The following MTMR3 variants were observed in gnomAD, a reference collection of about 807,000 sequenced individuals.
MTMR3 encodes the protein myotubularin related protein 3.
Under a neutral mutation model 132.4 loss-of-function variants are expected in MTMR3, and 32 were observed. That is an observed-to-expected ratio of 0.24 (90% CI 0.18 to 0.32). The LOEUF is 0.32. Among genes scored for constraint, MTMR3 ranks in the 10% least tolerant of loss-of-function variants. The pLI, the probability that MTMR3 is intolerant of heterozygous loss-of-function variation, is 1.00. For missense variants in MTMR3, 1,216 were observed against 1,489.6 expected (o/e 0.82, Z 3.02); for synonymous variants, 556 against 550.3 (o/e 1.01, Z -0.14).
At chr22:29,976,195 A>G (rs898358515) in intron 3 of MTMR3, among the ~76,000 whole-genome samples, 1 of 151,588 alleles carries the variant, frequency 6.6e-6, no homozygotes, top group Non-Finnish European at 1.5e-5. Flanking sequence ...CTAGGAAGCT[A>G]TAAAGTTCAT....
intron 3 of MTMR3, among the ~76,000 whole-genome samples, chr22:29,976,371 G>C (rs959563161): frequency 6.6e-6 from 1 of 151,658 alleles, no homozygotes; most frequent in Non-Finnish European, 1.5e-5. Flanking sequence ...TTTTCCATCA[G>C]TTGTTCTTCC....
chr22:29,990,072 A>C (rs1054900705), intron 6 of MTMR3: 3 of 152,054 alleles, frequency 2.0e-5, no homozygotes, highest in Non-Finnish European at 4.4e-5. Flanking sequence ...ATCTCTACTA[A>C]AAATACGAAA....
rs140644202 is a variant in MTMR3, at chr22:29,978,566, A to G, written c.93+35A>G. ...GGCCACTTTTAAATGTAAAATATTT[A>G]TTTAGCATTAACTGTATAGCAGAGT... On this transcript the variant is annotated intron_variant, in intron 4 of 19. Transcript: ENST00000401950. 1.3e-3 allele frequency: 1,922 copies of G among 1,527,018 alleles called. 32 individuals are homozygous for G. In the African/African-American group the frequency reaches 0.024, roughly 19 times the overall value. The allele number at this position is 1,527,018 out of a possible 1,614,324, so 94.6% of individuals were successfully genotyped here. A position where few individuals can be genotyped will look rare whatever the true frequency, so the allele number is the denominator to read the frequency against.
rs1424019346 is a variant in MTMR3 at position 30,026,557 on chromosome 22, CA to C, written c.*757del. 6.5e-6 allele frequency: 1 copy of C among 152,994 alleles called. No homozygotes were observed. The highest frequency in any genetic ancestry group is 1.5e-5 in the Non-Finnish European group (1 of 68,582). The allele number at this position is 152,994 out of a possible 1,614,324, so 9.5% of individuals were successfully genotyped here. A position where few individuals can be genotyped will look rare whatever the true frequency, so the allele number is the denominator to read the frequency against. ...GATTGTCTTGGGCTCCTTTTACTTT[CA>C]GGGGGCTGCTTTCCTGGGCCAGGCT... On this transcript the variant is annotated 3_prime_UTR_variant, in exon 20 of 20. Coordinates refer to ENST00000401950, the MANE Select transcript of MTMR3 (RefSeq NM_021090.4).
chr22:29,946,001 T>TTGTG (rs574825810), intron 1 of MTMR3, among the ~76,000 whole-genome samples: 2 of 125,862 alleles, frequency 1.6e-5, no homozygotes, highest in South Asian at 5.5e-4. Flanking sequence ...ATTGTAAAAC[T>TTGTG]TGTGTGTGTG....
intron 1 of MTMR3, among the ~76,000 whole-genome samples, chr22:29,910,151 G>A (rs1285524479): frequency 1.4e-5 from 2 of 141,966 alleles, no homozygotes; most frequent in African/African-American, 5.3e-5. Context: ...GTGACAGAAC[G>A]AGACTCCATC....
chr22:30,002,791 C>G (rs1436030808), intron 8 of MTMR3, 89 bp from the exon 9 acceptor site: 2 of 970,342 alleles, frequency 2.1e-6, no homozygotes, highest in Non-Finnish European at 1.6e-6. Context: ...CATCCTTATG[C>G]TGGCTCACCT....
In MTMR3 at chr22:29,973,842, A is replaced by G. The variant is rs7290601; in HGVS notation, c.3+2780A>G. Among the ~76,000 whole-genome samples, 681 of 152,244 alleles carry G rather than the reference A, an allele frequency of 4.5e-3. 6 individuals carry two copies. Among genetic ancestry groups the G allele is most frequent in the African/African-American group, 0.015 (641 of 41,538 alleles). ...TCGAACTCCTGACCTCAGGTGATCCATCTGCCTCAGCCTCCCAAAGTGCTG... is the reference window on the plus strand; with the variant it reads ...TCGAACTCCTGACCTCAGGTGATCCGTCTGCCTCAGCCTCCCAAAGTGCTG... On this transcript the variant is annotated intron_variant, in intron 3 of 19. Transcript: ENST00000401950.
At chr22:29,940,421 T>C (rs1455113581) in intron 1 of MTMR3, among the ~76,000 whole-genome samples, 1 of 141,016 alleles carries the variant, frequency 7.1e-6, no homozygotes, top group Non-Finnish European at 1.5e-5. Flanking sequence ...TGCTGAATCT[T>C]TTCTTGGACT....
At position 30,012,536 on chromosome 22, in the gene MTMR3, G is replaced by T. The variant is rs774876831; in HGVS notation, c.1290G>T (p.Leu430Phe). The T allele has an allele frequency of 6.2e-7, 1 of 1,613,246 alleles. No individual in the cohort carries two copies. Among genetic ancestry groups the T allele is most frequent in the Admixed American group, 1.7e-5 (1 of 59,790 alleles). The change falls in exon 13 of 20, where the codon TTG (leucine) becomes TTT (phenylalanine). Residue 430 changes from leucine to phenylalanine, a missense_variant. Transcript: ENST00000401950. The stretch of plus-strand genomic sequence containing the variant: ...AGATTGTGGCATTGGCTAAGCTCTT[G>T]CTGGACCCTTATTACCGAACCATAG... ...TPQIVALAKLLLDPYYRTIEG... is the reference protein window; with the variant it reads ...TPQIVALAKLFLDPYYRTIEG...
intron 3 of MTMR3, among the ~76,000 whole-genome samples, chr22:29,971,271 A>G (rs900211252): frequency 3.3e-5 from 5 of 151,994 alleles, no homozygotes; most frequent in Non-Finnish European, 5.9e-5. Flanking sequence ...ATTTCTGTTA[A>G]CTTTAATCCT....
intron 6 of MTMR3, chr22:29,991,140 A>G (rs1286978572): frequency 1.3e-5 from 2 of 156,770 alleles, no homozygotes; most frequent in African/African-American, 4.8e-5. Context: ...TTTTCTAAAC[A>G]TATTTTTTAT....
intron 7 of MTMR3, chr22:29,998,073 A>G (rs1236630434): frequency 6.6e-6 from 1 of 152,192 alleles, no homozygotes; most frequent in African/African-American, 2.4e-5. Flanking sequence ...GTGTACTGTC[A>G]GTCTGAGTGT....
intron 7 of MTMR3, chr22:29,998,458 T>G: frequency 6.0e-6 from 1 of 165,474 alleles, no homozygotes; most frequent in Non-Finnish European, 1.3e-5. Context: ...GCCTGGCCCA[T>G]GTGGTAAAAC....
chr22:30,012,323 A>T, intron 12 of MTMR3, 45 bp from the exon 13 acceptor site: 1 of 1,581,394 alleles, frequency 6.3e-7, no homozygotes, highest in Non-Finnish European at 8.6e-7. Flanking sequence ...GATGCAGTAA[A>T]TCATAAAAAA....
intron 1 of MTMR3, among the ~76,000 whole-genome samples, chr22:29,928,950 C>T (rs2065583955): frequency 6.6e-6 from 1 of 152,140 alleles, no homozygotes; most frequent in South Asian, 2.1e-4. Flanking sequence ...TTCAAAGTAG[C>T]TTTAGCAGTT....
At chr22:29,961,301 A>G (rs1208467576) in intron 2 of MTMR3, among the ~76,000 whole-genome samples, 1 of 152,142 alleles carries the variant, frequency 6.6e-6, no homozygotes. Context: ...TTTTGGTGGC[A>G]ATGGAAAAAT....
At chr22:29,934,267 T>C (rs1181505282) in intron 1 of MTMR3, among the ~76,000 whole-genome samples, 3 of 151,966 alleles carry the variant, frequency 2.0e-5, no homozygotes, top group Non-Finnish European at 4.4e-5. Flanking sequence ...CGCAGGAGAA[T>C]GGTGTGAACC....
chr22:29,908,583 T>C (rs2065145690), intron 1 of MTMR3, among the ~76,000 whole-genome samples: 1 of 152,230 alleles, frequency 6.6e-6, no homozygotes, highest in Non-Finnish European at 1.5e-5. Flanking sequence ...TAATCTTTTA[T>C]CAGTACCACA....
Sources: gnomAD v4.1 joint callset for allele counts (sites outside exome capture counted in the v4.1 genomes callset) on GRCh38, gnomAD v4.1.1 for gene constraint, MANE v1.5 for transcripts, NCBI Gene and HGNC (gene_info 2026-07-23, HGNC 2026-07-21) for gene names.